Variants in COL9A3 observed in about 807,000 individuals in gnomAD.
The protein encoded by COL9A3 is collagen type IX alpha 3 chain, also known as collagen alpha-3(IX) chain.
In COL9A3, 82 loss-of-function variants were observed where a neutral mutation model predicts 110.2. The observed-to-expected ratio is 0.74, with a 90% CI of 0.62 to 0.89. The LOEUF is 0.89. Among genes scored for constraint, COL9A3 ranks in the 40% least tolerant of loss-of-function variants. COL9A3 has a pLI of 0.00. For synonymous variants in COL9A3, 494 were observed against 403.8 expected (o/e 1.22, Z -2.68); for missense variants, 1,066 against 981.3 (o/e 1.09, Z -1.15).
intron 26 of COL9A3, among the ~76,000 whole-genome samples, chr20:62,834,379 C>T (rs564686350): frequency 6.6e-6 from 1 of 152,332 alleles, no homozygotes; most frequent in East Asian, 1.9e-4. Flanking sequence ...CATAAAATTA[C>T]GTTCTTGTTT....
intron 24 of COL9A3, chr20:62,831,833 T>G: frequency 2.2e-6 from 1 of 445,400 alleles, no homozygotes; most frequent in Admixed American, 3.4e-5. Context: ...TAGATGAGCT[T>G]TTGCATCTTT....
chr20:62,817,088 C>T lies in COL9A3; in HGVS notation c.24C>T (p.Ala8=), dbSNP rs1990951268. 2.1e-6 allele frequency: 3 copies of T among 1,395,942 alleles called. No individual in the cohort carries two copies. Among genetic ancestry groups the T allele is most frequent in the South Asian group, 1.4e-5 (1 of 70,818 alleles). 86.5% of individuals were successfully genotyped at this position (1,395,942 alleles called of 1,614,324 possible). Residue 8 remains alanine (A), a synonymous_variant, in exon 1 of 32, where the codon GCC becomes GCT. Coordinates refer to ENST00000649368, the MANE Select transcript of COL9A3 (RefSeq NM_001853.4). MAGPRAC[A]PLLLLLLLGE... ...CCATGGCCGGGCCGCGCGCGTGCGC[C>T]CCGCTCCTGCTCCTGCTCCTGCTCG...
chr20:62,835,902 A>T lies in COL9A3; in HGVS notation c.1369-19A>T. The stretch of plus-strand genomic sequence containing the variant: ...CCAACAATACACTTAGTTCAAACAC[A>T]CAACTTTTCTCTTCACAGGGTCCCA... On this transcript the variant is annotated intron_variant, in intron 26 of 31. Coordinates refer to ENST00000649368, the MANE Select transcript of COL9A3 (RefSeq NM_001853.4). The T allele has an allele frequency of 6.2e-7, 1 of 1,614,208 alleles. No homozygotes were observed. Among genetic ancestry groups the T allele is most frequent in the East Asian group, 2.2e-5 (1 of 44,892 alleles).
At chr20:62,829,555 A>AG in intron 20 of COL9A3, 56 bp downstream of exon 20, 1 of 1,469,326 alleles carries the variant, frequency 6.8e-7, no homozygotes, top group South Asian at 1.1e-5. Flanking sequence ...CCGGGAGGCA[A>AG]GGGGCTGGGG....
intron 31 of COL9A3, among the ~76,000 whole-genome samples, chr20:62,839,722 C>G (rs1236188770): frequency 2.6e-5 from 2 of 77,128 alleles, no homozygotes; most frequent in African/African-American, 1.2e-4. Flanking sequence ...CTCCACCCAC[C>G]CCACCTCTCC....
intron 11 of COL9A3, 51 bp from the exon 12 acceptor site, chr20:62,824,917 A>AG: frequency 6.7e-7 from 1 of 1,489,674 alleles, no homozygotes; most frequent in African/African-American, 1.4e-5. Context: ...GTTGCCAGGG[A>AG]GGGGGTGTCG....
intron 3 of COL9A3, 129 bp from the exon 4 acceptor site, chr20:62,819,093 G>C: frequency 4.3e-6 from 4 of 923,726 alleles, no homozygotes; most frequent in Non-Finnish European, 7.0e-6. Context: ...CAGTAGGGGG[G>C]ACCCAGGAGA....
At chr20:62,832,302 C>G in intron 25 of COL9A3, 113 bp downstream of exon 25, 1 of 1,051,318 alleles carries the variant, frequency 9.5e-7, no homozygotes, top group Non-Finnish European at 1.5e-6. Flanking sequence ...CACTGAGCCT[C>G]CTTTCTCCTC....
At chr20:62,839,600 TTCTCC>T (rs1260989144) in intron 31 of COL9A3, among the ~76,000 whole-genome samples, 8 of 141,430 alleles carry the variant, frequency 5.7e-5, no homozygotes, top group African/African-American at 1.3e-4. Flanking sequence ...CCCTGGAGCC[TTCTCC>T]TCTCCTCTCC....
intron 31 of COL9A3, 56 bp downstream of exon 31, chr20:62,838,817 T>C: frequency 7.1e-7 from 1 of 1,400,120 alleles, no homozygotes; most frequent in Non-Finnish European, 9.9e-7. Flanking sequence ...CGCCATCTTG[T>C]AGCTTTATGT....
chr20:62,835,761 T>TA (rs1465939884), intron 26 of COL9A3, among the ~76,000 whole-genome samples, 160 bp from the exon 27 acceptor site: 5 of 152,268 alleles, frequency 3.3e-5, no homozygotes, highest in African/African-American at 1.2e-4. Flanking sequence ...CACAGAAATA[T>TA]AAAAAATGTA....
rs2063520891 is a variant in COL9A3, at chr20:62,822,635, A to G, written c.519+3A>G. 1 of 1,611,758 alleles carries G rather than the reference A, an allele frequency of 6.2e-7. No homozygotes were observed. The highest frequency in any genetic ancestry group is 1.3e-5 in the African/African-American group (1 of 74,830). ...CTGAAGGCGCTACTGACCTTCAGGT[A>G]GGCACTTGAAGCCATTTGTTAAGGG... On this transcript the variant is annotated splice_donor_region_variant and intron_variant, in intron 10 of 31. Coordinates refer to ENST00000649368, the MANE Select transcript of COL9A3 (RefSeq NM_001853.4).
chr20:62,821,321 C>T, intron 6 of COL9A3, 105 bp downstream of exon 6: 2 of 1,366,026 alleles, frequency 1.5e-6, no homozygotes, highest in Non-Finnish European at 2.1e-6. Context: ...ATCCCTGGCC[C>T]TCTCATCTGC....
chr20:62,839,536 G>C (rs1325371780), intron 31 of COL9A3, among the ~76,000 whole-genome samples: 1 of 152,158 alleles, frequency 6.6e-6, no homozygotes, highest in African/African-American at 2.4e-5. Flanking sequence ...GTCCAGATGA[G>C]AAGGATCCCG....
At chr20:62,817,849 AC>A in intron 2 of COL9A3, 1 of 674,872 alleles carries the variant, frequency 1.5e-6, no homozygotes, top group Non-Finnish European at 2.8e-6. Context: ...GTGGTCCTCC[AC>A]CCAGAATGCC....
chr20:62,819,148 T>A, intron 3 of COL9A3, 74 bp from the exon 4 acceptor site: 1 of 1,439,126 alleles, frequency 6.9e-7, no homozygotes, highest in Non-Finnish European at 9.7e-7. Context: ...TGGAAAGCAT[T>A]TTGCTTCATT....
intron 5 of COL9A3, among the ~76,000 whole-genome samples, chr20:62,820,645 C>T (rs11698798): frequency 0.12 from 18,690 of 152,112 alleles, 1,359 homozygotes; most frequent in Non-Finnish European, 0.16. Context: ...TGCTGGCAGC[C>T]GAGTCCGTGG....
At chr20:62,822,058 C>A in intron 8 of COL9A3, 53 bp from the exon 9 acceptor site, 1 of 1,088,102 alleles carries the variant, frequency 9.2e-7, no homozygotes, top group Non-Finnish European at 1.4e-6. Context: ...AGCCGGGCAC[C>A]TCACTCAGGT....
intron 6 of COL9A3, 55 bp downstream of exon 6, chr20:62,821,271 T>G: frequency 6.3e-7 from 1 of 1,577,418 alleles, no homozygotes; most frequent in Non-Finnish European, 8.7e-7. Flanking sequence ...AGCTGGAGAG[T>G]CTGGTCTAAA....
Sources: allele counts gnomAD v4.1 joint callset (sites outside exome capture counted in the v4.1 genomes callset), GRCh38; gene constraint gnomAD v4.1.1; transcripts MANE v1.5; gene names NCBI Gene and HGNC (gene_info 2026-07-23, HGNC 2026-07-21).